Variants in DSC1 observed in about 807,000 individuals in gnomAD.
The protein encoded by DSC1 is desmocollin-1.
Under a neutral mutation model 98.8 loss-of-function variants are expected in DSC1, and 79 were observed. The observed-to-expected ratio is 0.80, with a 90% confidence interval of 0.67 to 0.96. The LOEUF (loss-of-function observed/expected upper bound fraction) is 0.96, where lower values mean the gene tolerates loss of function less well. Among genes scored for constraint, DSC1 ranks in the 50% least tolerant of loss-of-function variants. The pLI, the probability that DSC1 is intolerant of heterozygous loss-of-function variation, is 0.00. For synonymous variants in DSC1, 405 were observed against 372.1 expected (o/e 1.09, Z -1.02); for missense variants, 1,115 against 1,075.9 (o/e 1.04, Z -0.51).
At position 31,131,618 on chromosome 18, in the gene DSC1, ACT is replaced by A; in HGVS notation, c.2461_2462del (p.Ser821PhefsTer17). ...TGRYAYTDWQ[S>X]FTQPRLGEKV... ...CTTCGCCAAGCCGAGGTTGGGTGAAACTCTGCCAGTCCGTGTACGCATATCTG... is the reference window on the plus strand; with the variant it reads ...CTTCGCCAAGCCGAGGTTGGGTGAAACTGCCAGTCCGTGTACGCATATCTG... On this transcript the variant is annotated frameshift_variant, in exon 15 of 16. Transcript: ENST00000257198. LOFTEE classifies it high-confidence loss of function. The A allele has an allele frequency of 1.2e-6, 2 of 1,613,878 alleles. No homozygotes were observed. The highest frequency in any genetic ancestry group is 1.7e-6 in the Non-Finnish European group (2 of 1,179,904).
rs775225147 is a variant in DSC1 at position 31,156,014 on chromosome 18, A to T, written c.471+29T>A. 3.7e-6 allele frequency: 6 copies of T among 1,600,226 alleles called. No homozygotes were observed. The East Asian group carries it at 8.9e-5, about 24-fold the overall frequency. ...TTTAAGAACAAAAAAAAATTTGGACACATATAAAATCAAATAAGTGAAATG... is the reference window on the plus strand; with the variant it reads ...TTTAAGAACAAAAAAAAATTTGGACTCATATAAAATCAAATAAGTGAAATG... On this transcript the variant is annotated intron_variant, in intron 4 of 15. Coordinates refer to ENST00000257198, the MANE Select transcript of DSC1 (RefSeq NM_024421.2).
intron 9 of DSC1, among the ~76,000 whole-genome samples, chr18:31,141,039 G>A (rs1317846098): frequency 6.6e-6 from 1 of 152,116 alleles, no homozygotes; most frequent in Non-Finnish European, 1.5e-5. Flanking sequence ...TGTGAGAAGT[G>A]CCTTTTGCCT....
chr18:31,157,325 C>T (rs141395396), intron 3 of DSC1, 46 bp downstream of exon 3: 23 of 1,578,580 alleles, frequency 1.5e-5, no homozygotes, highest in East Asian at 1.1e-4. Context: ...GAAGGACTCC[C>T]GTAAGCATAT....
In DSC1 at chr18:31,154,913, G is replaced by T; in HGVS notation, c.488C>A (p.Ala163Glu). ...QHVQQIQSDA[A>E]QNYTIFYSIS... is the part of the protein sequence containing the mutation. Reference sequence around the variant, plus strand: ...GGAATAAAAGATGGTGTAATTCTGTGCAGCATCAGATTGGATCTGCAGTAA... The same window carrying T: ...GGAATAAAAGATGGTGTAATTCTGTTCAGCATCAGATTGGATCTGCAGTAA... Residue 163 changes from alanine (A) to glutamate (E), a missense_variant, in exon 5 of 16, where the codon GCA becomes GAA. Physicochemically the swap from Ala to Glu is moderately radical, Grantham distance 107. Transcript: ENST00000257198. The T allele has an allele frequency of 6.2e-7, 1 of 1,613,522 alleles. No homozygotes were observed. The highest frequency in any genetic ancestry group is 8.5e-7 in the Non-Finnish European group (1 of 1,179,866).
At position 31,146,271 on chromosome 18, in the gene DSC1, T is replaced by C. The variant is rs75544274; in HGVS notation, c.773-494A>G. Among the ~76,000 whole-genome samples the C allele has an allele frequency of 1.5e-3, 228 of 152,286 alleles. 9 individuals carry two copies. The East Asian group carries it at 0.04, about 27-fold the overall frequency. On this transcript the variant is annotated intron_variant, in intron 6 of 15. Transcript: ENST00000257198. ...CACCTTTTGGAATCCCCATTGTTTG[T>C]TGTTCCCATTTTTGTGTCTATGTGT... is the stretch of plus-strand genomic sequence containing the variant.
chr18:31,156,223 A>G lies in DSC1; in HGVS notation c.352-61T>C, dbSNP rs1466062107. On this transcript the variant is annotated intron_variant, in intron 3 of 15. Coordinates refer to ENST00000257198, the MANE Select transcript of DSC1 (RefSeq NM_024421.2). ...CTTATCATTTTTTGGAACTGTGATT[A>G]TTTTACACATACATCAACAAGCAGA... The G allele has an allele frequency of 2.5e-6, 4 of 1,576,562 alleles. No individual in the cohort carries two copies. The African/African-American group carries it at 4.1e-5, about 16-fold the overall frequency.
At chr18:31,145,987 T>C (rs1159179617) in intron 6 of DSC1, among the ~76,000 whole-genome samples, 2 of 152,198 alleles carry the variant, frequency 1.3e-5, no homozygotes, top group East Asian at 1.9e-4. Flanking sequence ...GTGAATAACA[T>C]GATTCATATT....
chr18:31,161,357 T>C (rs1989205194), intron 1 of DSC1, among the ~76,000 whole-genome samples: 1 of 150,984 alleles, frequency 6.6e-6, no homozygotes, highest in African/African-American at 2.5e-5. Context: ...TGTGTGTATA[T>C]ATATATAAAT....
At chr18:31,150,258 CCATCATCAT>C (rs1305908708) in intron 5 of DSC1, among the ~76,000 whole-genome samples, 1 of 124,850 alleles carries the variant, frequency 8.0e-6, no homozygotes, top group Admixed American at 9.0e-5. Flanking sequence ...ACCACCACCA[CCATCATCAT>C]CACCACTACC....
At chr18:31,135,647 A>T (rs1988595112) in intron 11 of DSC1, among the ~76,000 whole-genome samples, 1 of 152,156 alleles carries the variant, frequency 6.6e-6, no homozygotes, top group South Asian at 2.1e-4. Flanking sequence ...TCATCTGTTG[A>T]TTGCCACTAT....
chr18:31,157,295 C>T (rs1022817851), intron 3 of DSC1, 76 bp downstream of exon 3: 33 of 1,424,798 alleles, frequency 2.3e-5, no homozygotes, highest in African/African-American at 5.7e-5. Context: ...ACATGAAACA[C>T]GTTAAAACAC....
intron 5 of DSC1, among the ~76,000 whole-genome samples, 195 bp from the exon 6 acceptor site, chr18:31,148,837 C>A (rs116585580): frequency 0.012 from 1,861 of 152,190 alleles, 46 homozygotes; most frequent in African/African-American, 0.043. Flanking sequence ...CCCCTCTCAG[C>A]GTTATTGCTC....
Position 31,139,775 on chromosome 18 carries a change from T to C in DSC1, c.1636A>G (p.Asn546Asp), listed in dbSNP as rs757366419. The change falls in exon 11 of 16, where the codon AAT becomes GAT. Residue 546 changes from asparagine (N) to aspartate (D), a missense_variant. Asn to Asp is a conservative substitution (Grantham distance 23). Transcript: ENST00000257198. ...ESKFVKNNQY[N>D]ISVVAVDAVG... ...GCATCCACTGCAACAACTGAAATAT[T>C]GTATTGGTTGTTTTTTACAAATTTG... is the stretch of plus-strand genomic sequence containing the variant. The C allele has an allele frequency of 1.4e-5, 23 of 1,608,820 alleles. No homozygotes were observed. Among genetic ancestry groups the C allele is most frequent in the Non-Finnish European group, 2.0e-5 (23 of 1,178,070 alleles).
intron 5 of DSC1, among the ~76,000 whole-genome samples, chr18:31,149,097 A>G (rs1233997594): frequency 6.6e-6 from 1 of 152,216 alleles, no homozygotes; most frequent in Non-Finnish European, 1.5e-5. Flanking sequence ...TATGGTAAGC[A>G]TGTATTTCTT....
intron 13 of DSC1, 48 bp downstream of exon 13, chr18:31,133,843 T>C (rs762159001): frequency 2.0e-5 from 30 of 1,528,992 alleles, no homozygotes; most frequent in South Asian, 1.7e-4. Context: ...AAATACTAGA[T>C]AAAATTTTAG....
intron 3 of DSC1, 35 bp downstream of exon 3, chr18:31,157,336 T>G (rs2118342): frequency 0.63 from 1,016,755 of 1,602,172 alleles, 328,498 homozygotes; most frequent in East Asian, 0.81. Context: ...GTAAGCATAT[T>G]ACTGTGCTAG....
Position 31,134,784 on chromosome 18 carries a change from A to G in DSC1, c.1664T>C (p.Val555Ala), listed in dbSNP as rs766937273. The G allele has an allele frequency of 6.2e-7, 1 of 1,603,200 alleles. No individual in the cohort carries two copies. Among genetic ancestry groups the G allele is most frequent in the Non-Finnish European group, 8.5e-7 (1 of 1,172,038 alleles). ...TAATGTTCCAGTGCAAGATCGGCCAACTAAGATTAATTAAAAATAGGTTAT... is the reference window on the plus strand; with the variant it reads ...TAATGTTCCAGTGCAAGATCGGCCAGCTAAGATTAATTAAAAATAGGTTAT... The part of the protein sequence containing the change: ...YNISVVAVDA[V>A]GRSCTGTLVV... The change falls in exon 12 of 16, where the codon GTT becomes GCT. Residue 555 changes from valine to alanine, a missense_variant and splice_region_variant. Val to Ala is a moderately conservative substitution (Grantham distance 64). Transcript: ENST00000257198.
At position 31,154,985 on chromosome 18, in the gene DSC1, A is replaced by T. The variant is rs955496235; in HGVS notation, c.472-56T>A. On this transcript the variant is annotated intron_variant, in intron 4 of 15. Coordinates refer to ENST00000257198, the MANE Select transcript of DSC1 (RefSeq NM_024421.2). ...ACGTCATGATGAATATTTTCAACCTAACCTCTTGTGATGGTTTATTTTTTT... is the reference window on the plus strand; with the variant it reads ...ACGTCATGATGAATATTTTCAACCTTACCTCTTGTGATGGTTTATTTTTTT... The T allele has an allele frequency of 5.0e-6, 8 of 1,584,500 alleles. No individual in the cohort carries two copies. The African/African-American group carries it at 1.1e-4, about 22-fold the overall frequency.
In DSC1 at chr18:31,132,146, C is replaced by T. The variant is rs748789317; in HGVS notation, c.2239-304G>A. ...TCCCTAAGCGAATATAATCAGTATCCTTATAAAAAGGGGAAATTTGGACAC... is the reference window on the plus strand; with the variant it reads ...TCCCTAAGCGAATATAATCAGTATCTTTATAAAAAGGGGAAATTTGGACAC... On this transcript the variant is annotated intron_variant, in intron 14 of 15. Coordinates refer to ENST00000257198, the MANE Select transcript of DSC1 (RefSeq NM_024421.2). 70 of 402,444 alleles carry T rather than the reference C, an allele frequency of 1.7e-4. 2 individuals carry two copies. Among genetic ancestry groups the T allele is most frequent in the Non-Finnish European group, 6.4e-5 (14 of 218,634 alleles). 24.9% of individuals were successfully genotyped at this position (402,444 alleles called of 1,614,324 possible). A position where few individuals can be genotyped will look rare whatever the true frequency, so the allele number is the denominator to read the frequency against.
Sources: gnomAD v4.1 joint callset for allele counts (sites outside exome capture counted in the v4.1 genomes callset) on GRCh38, gnomAD v4.1.1 for gene constraint, MANE v1.5 for transcripts, NCBI Gene and HGNC (gene_info 2026-07-23, HGNC 2026-07-21) for gene names.